CSMD3: variants seen among roughly 807,000 people sequenced by gnomAD.
The protein encoded by CSMD3 is CUB and sushi domain-containing protein 3.
CSMD3 carries 177 observed loss-of-function variants against 435.2 expected under a neutral mutation model. The observed-to-expected ratio is 0.41, with a 90% CI of 0.36 to 0.46. The LOEUF is 0.46. Ranked by LOEUF, CSMD3 falls within the 20% of genes least tolerant of loss-of-function variation. The pLI is 0.34. For missense variants in CSMD3, 4,265 were observed against 4,504.6 expected, an observed-to-expected ratio of 0.95 and a Z score of 1.52; for synonymous variants, 1,656 against 1,520.5, an observed-to-expected ratio of 1.09 and a Z score of -2.07.
At chr8:113,229,503 A>G (rs2093062112) in intron 3 of CSMD3, among the ~76,000 whole-genome samples, 1 of 151,424 alleles carries the variant, frequency 6.6e-6, no homozygotes, top group South Asian at 2.1e-4. Context: ...AAAAAAAATT[A>G]TATTCAGTAC....
chr8:113,030,321 G>GC (rs2087040552), intron 5 of CSMD3, among the ~76,000 whole-genome samples: 1 of 142,954 alleles, frequency 7.0e-6, no homozygotes, highest in Admixed American at 7.3e-5. Context: ...TTTAGCCAAA[G>GC]CAAGACTAAG....
chr8:113,313,271 A>G (rs1202788697), intron 2 of CSMD3: 1 of 152,130 alleles, frequency 6.6e-6, no homozygotes, highest in Non-Finnish European at 1.5e-5. Context: ...TTTCCCCACT[A>G]CATTATGTTT....
At chr8:112,865,614 A>C in intron 10 of CSMD3, among the ~76,000 whole-genome samples, 1 of 152,060 alleles carries the variant, frequency 6.6e-6, no homozygotes, top group East Asian at 1.9e-4. Context: ...CTACTCAAAC[A>C]GTATTCCATA....
intron 27 of CSMD3, among the ~76,000 whole-genome samples, chr8:112,533,546 T>C (rs1460487736): frequency 6.6e-6 from 1 of 151,858 alleles, no homozygotes; most frequent in Non-Finnish European, 1.5e-5. Flanking sequence ...AATGAAGGGG[T>C]CCATTTATCA....
Position 112,337,601 on chromosome 8 carries a change from A to G in CSMD3, c.6783T>C (p.Ala2261=). Residue 2261 remains alanine, a synonymous_variant, in exon 43 of 71, where the codon GCT becomes GCC. Coordinates refer to ENST00000297405, the MANE Select transcript of CSMD3 (RefSeq NM_198123.2). ...GACTGACTCCGTGAAGGCATGTGAG[A>G]GCTGAATTTCCAATTAATGTGTATC... The part of the protein sequence containing the change: ...FPGYTLIGNS[A]LTCLHGVSRN... The G allele has an allele frequency of 6.2e-7, 1 of 1,613,894 alleles. No homozygotes were observed. Among genetic ancestry groups the G allele is most frequent in the Non-Finnish European group, 8.5e-7 (1 of 1,179,776 alleles).
intron 27 of CSMD3, among the ~76,000 whole-genome samples, chr8:112,525,776 ATG>A (rs577823125): frequency 2.9e-5 from 4 of 140,204 alleles, no homozygotes; most frequent in African/African-American, 1.1e-4. Context: ...ATATATTTAT[ATG>A]TGTGTGTATA....
chr8:112,975,339 T>G (rs2084805573), intron 7 of CSMD3, among the ~76,000 whole-genome samples: 1 of 152,146 alleles, frequency 6.6e-6, no homozygotes. Flanking sequence ...TCACCAGATA[T>G]AATGTTTCTA....
At chr8:112,370,685 C>A (rs1828306001) in intron 38 of CSMD3, among the ~76,000 whole-genome samples, 1 of 152,074 alleles carries the variant, frequency 6.6e-6, no homozygotes, top group Admixed American at 6.6e-5. Context: ...ACCATAACAT[C>A]CTTCTTTTTA....
rs147035720 is a variant in CSMD3, at chr8:112,811,576, G to A, written c.1860-11302C>T. On this transcript the variant is annotated intron_variant, in intron 12 of 70. Transcript: ENST00000297405. The stretch of plus-strand genomic sequence containing the variant: ...TAACTTCTTGATTATTATAAAGATA[G>A]AAGTGTATATTTTTCTTTTGATAAA... 2.3e-3 allele frequency among the ~76,000 whole-genome samples: 356 copies of A among 152,226 alleles called. 1 individual carries two copies. Among genetic ancestry groups the A allele is most frequent in the African/African-American group, 8.2e-3 (339 of 41,546 alleles).
At chr8:112,631,869 T>C (rs2074525423) in intron 22 of CSMD3, among the ~76,000 whole-genome samples, 1 of 151,890 alleles carries the variant, frequency 6.6e-6, no homozygotes, top group Non-Finnish European at 1.5e-5. Context: ...TATAGAAAAT[T>C]AAGGCATTTG....
intron 53 of CSMD3, among the ~76,000 whole-genome samples, chr8:112,299,850 T>C (rs529364774): frequency 3.3e-5 from 5 of 151,980 alleles, no homozygotes; most frequent in Non-Finnish European, 4.4e-5. Context: ...TTCTCTACAA[T>C]GGATGATCTT....
At chr8:112,707,487 A>C (rs61442139) in intron 13 of CSMD3, among the ~76,000 whole-genome samples, 7 of 143,118 alleles carry the variant, frequency 4.9e-5, no homozygotes, top group African/African-American at 8.1e-5. Context: ...GTGCGGCGGG[A>C]GGGGGGTGGT....
At chr8:112,909,266 T>C (rs1346744852) in intron 10 of CSMD3, among the ~76,000 whole-genome samples, 3 of 151,606 alleles carry the variant, frequency 2.0e-5, no homozygotes. Flanking sequence ...TTTTTTCAGA[T>C]GAGAAACACA....
intron 27 of CSMD3, chr8:112,539,444 A>G (rs1381908215): frequency 6.6e-6 from 1 of 152,124 alleles, no homozygotes; most frequent in African/African-American, 2.4e-5. Flanking sequence ...TCAGAAAAGA[A>G]CGTGAATAAC....
At chr8:112,768,473 G>A (rs2078034687) in intron 13 of CSMD3, among the ~76,000 whole-genome samples, 1 of 151,690 alleles carries the variant, frequency 6.6e-6, no homozygotes, top group Admixed American at 6.6e-5. Flanking sequence ...TACAAAATAA[G>A]GACTTCTTCC....
chr8:113,235,271 C>T (rs2093135064), intron 3 of CSMD3, among the ~76,000 whole-genome samples: 1 of 152,082 alleles, frequency 6.6e-6, no homozygotes, highest in Non-Finnish European at 1.5e-5. Context: ...AATGTCCCTC[C>T]CTACCTTCCT....
chr8:112,860,520 T>C (rs2080798155), intron 10 of CSMD3, among the ~76,000 whole-genome samples: 1 of 151,802 alleles, frequency 6.6e-6, no homozygotes, highest in South Asian at 2.1e-4. Flanking sequence ...TACTCCATTT[T>C]TCTCTCCCCT....
chr8:113,255,050 A>C (rs1315033297), intron 3 of CSMD3, among the ~76,000 whole-genome samples: 1 of 152,178 alleles, frequency 6.6e-6, no homozygotes, highest in African/African-American at 2.4e-5. Flanking sequence ...GGCAAGGACA[A>C]GCATTTCTTA....
At chr8:112,820,898 G>T (rs567079989) in intron 12 of CSMD3, among the ~76,000 whole-genome samples, 2 of 152,150 alleles carry the variant, frequency 1.3e-5, no homozygotes, top group African/African-American at 2.4e-5. Context: ...GTGAGAACAT[G>T]CAGTGTTTGG....
Sources: allele counts gnomAD v4.1 joint callset (sites outside exome capture counted in the v4.1 genomes callset), GRCh38; gene constraint gnomAD v4.1.1; transcripts MANE v1.5; gene names NCBI Gene and HGNC (gene_info 2026-07-23, HGNC 2026-07-21).